Variants in CYP2C8 observed in about 807,000 individuals in gnomAD.
The protein encoded by CYP2C8 is cytochrome P450 2C8.
In CYP2C8, 51 loss-of-function variants were observed where a neutral mutation model predicts 41.3. The ratio of observed to expected loss-of-function variants is 1.24; its 90% CI spans 0.99 to 1.56. The LOEUF is 1.56. Among genes scored for constraint, CYP2C8 ranks in the 40% most tolerant of loss-of-function variants. The pLI, the probability that CYP2C8 is intolerant of heterozygous loss-of-function variation, is 0.00. For synonymous variants in CYP2C8, 218 were observed against 205.8 expected (o/e 1.06, Z -0.51); for missense variants, 651 against 579.9 (o/e 1.12, Z -1.26).
chr10:95,069,312 G>A lies in CYP2C8; in HGVS notation c.91C>T (p.Pro31Ser), dbSNP rs944376559. ...RQSCRRRKLP[P>S]GPTPLPIIGN... ...ATAATAGGAAGAGGAGTGGGGCCAGGAGGGAGCTTCCTTCTCCTACAGCTC... is the reference window on the plus strand; with the variant it reads ...ATAATAGGAAGAGGAGTGGGGCCAGAAGGGAGCTTCCTTCTCCTACAGCTC... The change falls in exon 1 of 9, where the codon CCT becomes TCT. Residue 31 changes from proline to serine, a missense_variant. Transcript: ENST00000371270. 8 of 1,613,928 alleles carry A rather than the reference G, an allele frequency of 5.0e-6. No homozygotes were observed. The highest frequency in any genetic ancestry group is 3.3e-5 in the Admixed American group (2 of 59,968).
intron 4 of CYP2C8, among the ~76,000 whole-genome samples, chr10:95,064,239 G>GAGGC (rs2033506513): frequency 6.6e-6 from 1 of 152,172 alleles, no homozygotes; most frequent in Non-Finnish European, 1.5e-5. Flanking sequence ...GGATTCTACA[G>GAGGC]AGGCAGGCAG....
chr10:95,052,989 G>T (rs1049893908), intron 5 of CYP2C8, among the ~76,000 whole-genome samples: 6 of 151,948 alleles, frequency 3.9e-5, no homozygotes, highest in African/African-American at 1.5e-4. Flanking sequence ...TAGAATGGAA[G>T]AAGTCAAATT....
chr10:95,065,038 A>C (rs2033530723), intron 3 of CYP2C8, 78 bp from the exon 4 acceptor site: 7 of 1,233,772 alleles, frequency 5.7e-6, no homozygotes, highest in Admixed American at 3.5e-5. Context: ...GACATAAAGG[A>C]AATTTAGAAA....
rs941507128 is a variant in CYP2C8 at position 95,060,439 on chromosome 10, CTGTT to C, written c.643-1932_643-1929del. On this transcript the variant is annotated intron_variant, in intron 4 of 8. Transcript: ENST00000371270. ...GGAAGTTCACTCATGATTTGGCTCT[CTGTT>C]TGTCTGTTATTGGTGTAGAGGAATG... Among the ~76,000 whole-genome samples, 127 of 152,226 alleles carry C rather than the reference CTGTT, an allele frequency of 8.3e-4. 1 individual carries two copies. Among genetic ancestry groups the C allele is most frequent in the African/African-American group, 2.9e-3 (121 of 41,536 alleles).
At chr10:95,042,682 G>A (rs1017261017) in intron 7 of CYP2C8, among the ~76,000 whole-genome samples, 4 of 152,164 alleles carry the variant, frequency 2.6e-5, no homozygotes, top group Non-Finnish European at 4.4e-5. Flanking sequence ...ACAATTATTT[G>A]AAAGTGTAAC....
chr10:95,059,414 ATG>A (rs2033377655), intron 4 of CYP2C8, among the ~76,000 whole-genome samples: 1 of 130,268 alleles, frequency 7.7e-6, no homozygotes, highest in African/African-American at 3.1e-5. Context: ...GCATTTTTTC[ATG>A]TGTTTTTTGG....
chr10:95,066,155 T>A (rs7087710), intron 3 of CYP2C8, among the ~76,000 whole-genome samples: 14,169 of 49,612 alleles, frequency 0.29, 664 homozygotes, highest in Middle Eastern at 0.34. Context: ...AGAGAGAGAG[T>A]GTGTGTGTGT....
At chr10:95,056,788 T>C (rs1306343503) in intron 5 of CYP2C8, among the ~76,000 whole-genome samples, 5 of 151,744 alleles carry the variant, frequency 3.3e-5, no homozygotes, top group African/African-American at 9.7e-5. Context: ...TGTGGAGTGA[T>C]AAAAAAGTTT....
intron 4 of CYP2C8, among the ~76,000 whole-genome samples, chr10:95,061,136 C>G (rs938026941): frequency 1.1e-4 from 16 of 152,168 alleles, no homozygotes; most frequent in African/African-American, 3.6e-4. Flanking sequence ...GCTTTGTTAT[C>G]AGGATGATGC....
At chr10:95,055,307 G>T (rs557805796) in intron 5 of CYP2C8, among the ~76,000 whole-genome samples, 1 of 151,920 alleles carries the variant, frequency 6.6e-6, no homozygotes, top group Admixed American at 6.6e-5. Flanking sequence ...ATCTATGCCC[G>T]GTTCATTTTC....
chr10:95,047,369 G>A (rs929687444), intron 5 of CYP2C8, among the ~76,000 whole-genome samples: 2 of 152,096 alleles, frequency 1.3e-5, no homozygotes, highest in African/African-American at 4.8e-5. Context: ...ATCATGAAAA[G>A]TGTTACACTC....
chr10:95,052,486 A>G (rs1258693952), intron 5 of CYP2C8, among the ~76,000 whole-genome samples: 2 of 143,644 alleles, frequency 1.4e-5, no homozygotes, highest in Non-Finnish European at 3.2e-5. Flanking sequence ...AACCAAAGAC[A>G]CATTAAAAAA....
At chr10:95,059,760 A>C (rs1381803626) in intron 4 of CYP2C8, among the ~76,000 whole-genome samples, 4 of 151,974 alleles carry the variant, frequency 2.6e-5, no homozygotes, top group Non-Finnish European at 5.9e-5. Flanking sequence ...TTTCTTCTAG[A>C]ATTTTTATGG....
chr10:95,054,735 T>G (rs1388235228), intron 5 of CYP2C8, among the ~76,000 whole-genome samples: 1 of 152,170 alleles, frequency 6.6e-6, no homozygotes, highest in Non-Finnish European at 1.5e-5. Context: ...TTGGTCCAGA[T>G]ATCAGTTGTG....
intron 4 of CYP2C8, among the ~76,000 whole-genome samples, chr10:95,063,094 G>A (rs2033474825): frequency 6.6e-6 from 1 of 152,050 alleles, no homozygotes. Flanking sequence ...TTTCAACTTT[G>A]GTGAATCTGA....
At chr10:95,053,624 G>T (rs1241857761) in intron 5 of CYP2C8, among the ~76,000 whole-genome samples, 1 of 152,150 alleles carries the variant, frequency 6.6e-6, no homozygotes, top group Non-Finnish European at 1.5e-5. Flanking sequence ...CAGGGACATG[G>T]ATGAAGCTGG....
Position 95,058,426 on chromosome 10 carries a change from T to C in CYP2C8, c.728A>G (p.Tyr243Cys), listed in dbSNP as rs954113571. The C allele has an allele frequency of 1.9e-6, 3 of 1,613,400 alleles. No homozygotes were observed. The African/African-American group carries it at 4.0e-5, about 22-fold the overall frequency. ...VLKNVALTRS[Y>C]IREKVKEHQA... ...GTGTTCTTTTACTTTCTCCCTAATGTAACTTCGTGTAAGAGCAACATTTTT... is the reference window on the plus strand; with the variant it reads ...GTGTTCTTTTACTTTCTCCCTAATGCAACTTCGTGTAAGAGCAACATTTTT... The change falls in exon 5 of 9, where the codon TAC becomes TGC. Residue 243 changes from tyrosine (Y) to cysteine (C), a missense_variant. By Grantham distance (194) the Tyr-to-Cys change is radical. Transcript: ENST00000371270.
In CYP2C8 at chr10:95,042,895, G is replaced by A. The variant is rs375271607; in HGVS notation, c.1144C>T (p.Pro382Ser). The stretch of plus-strand genomic sequence containing the variant: ...TGTAAGAGAAACAAGCTTACCTTGG[G>A]GATGAGGTAGTTTCTGAACTTAGTA... ...TDTKFRNYLI[P>S]KGTTIMALLT... The change falls in exon 7 of 9, where the codon CCC becomes TCC. Residue 382 changes from proline (P) to serine (S), a missense_variant. Coordinates refer to ENST00000371270, the MANE Select transcript of CYP2C8 (RefSeq NM_000770.3). 59 of 1,612,876 alleles carry A rather than the reference G, an allele frequency of 3.7e-5. No individual in the cohort carries two copies. The highest frequency in any genetic ancestry group is 4.5e-5 in the Non-Finnish European group (53 of 1,178,954).
intron 7 of CYP2C8, among the ~76,000 whole-genome samples, chr10:95,042,367 A>C (rs1934982): frequency 0.22 from 33,181 of 151,886 alleles, 4,064 homozygotes; most frequent in Non-Finnish European, 0.29. Flanking sequence ...AGAATAGTAT[A>C]ATTGAATACA....
Sources: gnomAD v4.1 joint callset for allele counts (sites outside exome capture counted in the v4.1 genomes callset) on GRCh38, gnomAD v4.1.1 for gene constraint, MANE v1.5 for transcripts, NCBI Gene and HGNC (gene_info 2026-07-23, HGNC 2026-07-21) for gene names.